Variants in TMPO observed in about 807,000 individuals in gnomAD.
The protein encoded by TMPO is thymopoietin.
TMPO carries 22 observed loss-of-function variants against 45.4 expected under a neutral mutation model. The ratio of observed to expected loss-of-function variants is 0.48; its 90% confidence interval spans 0.35 to 0.69. The LOEUF is 0.69. Ranked by LOEUF, TMPO falls within the 30% of genes least tolerant of loss-of-function variation. The pLI is 0.01. For missense variants in TMPO, 512 were observed against 548.8 expected, an observed-to-expected ratio of 0.93 and a Z score of 0.67; for synonymous variants, 241 against 204.1, an observed-to-expected ratio of 1.18 and a Z score of -1.54.
intron 1 of TMPO, among the ~76,000 whole-genome samples, chr12:98,522,549 G>A (rs754698542): frequency 6.6e-6 from 1 of 152,140 alleles, no homozygotes; most frequent in Non-Finnish European, 1.5e-5. Context: ...TGAAATAGAG[G>A]AATAACCTAA....
chr12:98,528,251 CTTTTT>C (rs72519624), intron 2 of TMPO, among the ~76,000 whole-genome samples: 2 of 131,396 alleles, frequency 1.5e-5, no homozygotes, highest in African/African-American at 2.8e-5. Flanking sequence ...TTATATCGTA[CTTTTT>C]TTTTTTTTTT....
At chr12:98,519,142 A>G (rs971063392) in intron 1 of TMPO, among the ~76,000 whole-genome samples, 1 of 152,134 alleles carries the variant, frequency 6.6e-6, no homozygotes, top group African/African-American at 2.4e-5. Flanking sequence ...TCGGCTTCTC[A>G]AAGTGCTGGG....
intron 3 of TMPO, chr12:98,532,056 A>G: frequency 2.0e-6 from 1 of 492,510 alleles, no homozygotes; most frequent in Non-Finnish European, 3.6e-6. Flanking sequence ...CTGAAATTGC[A>G]AGTTAACTTT....
chr12:98,549,933 C>T lies in TMPO; in HGVS notation c.*2075C>T, dbSNP rs954726893. 6.6e-6 allele frequency: 1 copy of T among 151,950 alleles called. No individual in the cohort carries two copies. The highest frequency in any genetic ancestry group is 1.5e-5 in the Non-Finnish European group (1 of 67,980). 9.4% of individuals were successfully genotyped at this position (151,950 alleles called of 1,614,324 possible). On this transcript the variant is annotated 3_prime_UTR_variant, in exon 9 of 9. Coordinates refer to ENST00000556029, the MANE Select transcript of TMPO (RefSeq NM_001032283.3). The stretch of plus-strand genomic sequence containing the variant: ...GCCTCTCTGAGTAAAATGTTTCTTT[C>T]AGATGAGCCATAGAGGGGGCACCTT...
intron 3 of TMPO, chr12:98,532,839 C>CA: frequency 6.2e-7 from 1 of 1,614,142 alleles, no homozygotes; most frequent in Non-Finnish European, 8.5e-7. Context: ...AGAAAGAACA[C>CA]AAGAAAGTGA....
In TMPO at chr12:98,547,573, T is replaced by G; in HGVS notation, c.1080T>G (p.Ser360Arg). The part of the protein sequence containing the change: ...PYEASTPTGI[S>R]ASCRRPIKGA... Reference sequence around the variant, plus strand: ...CTTTTCCTCCTTTCACTCCCAACAGTGCTAGTTGCCGCAGACCAATCAAAG... The same window carrying G: ...CTTTTCCTCCTTTCACTCCCAACAGGGCTAGTTGCCGCAGACCAATCAAAG... Residue 360 changes from serine to arginine, a missense_variant and splice_region_variant, in exon 9 of 9, where the codon AGT becomes AGG. Coordinates refer to ENST00000556029, the MANE Select transcript of TMPO (RefSeq NM_001032283.3). The G allele has an allele frequency of 6.2e-7, 1 of 1,614,138 alleles. No homozygotes were observed.
At position 98,547,735 on chromosome 12, in the gene TMPO, G is replaced by T. The variant is rs764709289; in HGVS notation, c.1242G>T (p.Trp414Cys). The change falls in exon 9 of 9, where the codon TGG (tryptophan) becomes TGT (cysteine). Residue 414 changes from tryptophan (W) to cysteine (C), a missense_variant. Transcript: ENST00000556029. ...AAAAGGGACGCTCCATTCCCGTATG[G>T]ATAAAAATTTTGCTGTTTGTTGTTG... ...KTKKGRSIPV[W>C]IKILLFVVVA... 1 of 1,614,166 alleles carries T rather than the reference G, an allele frequency of 6.2e-7. No individual in the cohort carries two copies. Among genetic ancestry groups the T allele is most frequent in the Non-Finnish European group, 8.5e-7 (1 of 1,180,030 alleles).
intron 1 of TMPO, among the ~76,000 whole-genome samples, chr12:98,517,100 C>T (rs1313606515): frequency 6.6e-6 from 1 of 152,198 alleles, no homozygotes; most frequent in Non-Finnish European, 1.5e-5. Context: ...CGTGAGCCAC[C>T]GGGCCCGGCC....
At chr12:98,543,276 T>A (rs1183506136) in intron 4 of TMPO, among the ~76,000 whole-genome samples, 1 of 152,222 alleles carries the variant, frequency 6.6e-6, no homozygotes, top group Non-Finnish European at 1.5e-5. Flanking sequence ...ATAATACTGA[T>A]CATTGATGGA....
chr12:98,527,237 A>G (rs1257426779), intron 1 of TMPO, among the ~76,000 whole-genome samples: 2 of 150,772 alleles, frequency 1.3e-5, no homozygotes, highest in East Asian at 2.0e-4. Context: ...GTGGTTTACA[A>G]CTGTAATCCT....
chr12:98,528,848 A>C (rs1485791297), intron 2 of TMPO, among the ~76,000 whole-genome samples: 1 of 152,058 alleles, frequency 6.6e-6, no homozygotes, highest in African/African-American at 2.4e-5. Flanking sequence ...TGTCCCAGCT[A>C]CTTAGGAGGC....
At position 98,547,553 on chromosome 12, in the gene TMPO, C is replaced by T. The variant is rs202062258; in HGVS notation, c.1080-20C>T. On this transcript the variant is annotated intron_variant, in intron 8 of 8. Coordinates refer to ENST00000556029, the MANE Select transcript of TMPO (RefSeq NM_001032283.3). ...CTTTATCTAAAATTATTTTTCTTTT[C>T]CTCCTTTCACTCCCAACAGTGCTAG... 2.2e-4 allele frequency: 361 copies of T among 1,613,676 alleles called. No individual in the cohort carries two copies. The highest frequency in any genetic ancestry group is 2.7e-4 in the Non-Finnish European group (324 of 1,179,886).
chr12:98,516,661 G>T lies in TMPO; in HGVS notation c.279+515G>T, dbSNP rs73382574. On this transcript the variant is annotated intron_variant, in intron 1 of 8. Transcript: ENST00000556029. ...AATTCCCGCCTTTTTATACTTTTGC[G>T]TGTGGAGGGCTTTTTGAACCGTTTA... 3.0e-3 allele frequency: 1,682 copies of T among 569,086 alleles called. 40 individuals are homozygous for T. In the African/African-American group the frequency reaches 0.032, roughly 11 times the overall value. 35.3% of individuals were successfully genotyped at this position (569,086 alleles called of 1,614,324 possible).
chr12:98,547,504 T>G, intron 8 of TMPO, 69 bp from the exon 9 acceptor site: 6 of 1,582,624 alleles, frequency 3.8e-6, no homozygotes, highest in Non-Finnish European at 5.2e-6. Context: ...CAATGACATT[T>G]TATGTTATTT....
At chr12:98,517,599 A>G (rs962238445) in intron 1 of TMPO, among the ~76,000 whole-genome samples, 1 of 152,246 alleles carries the variant, frequency 6.6e-6, no homozygotes, top group Non-Finnish European at 1.5e-5. Context: ...TAATAGACAC[A>G]TGTAAATTTA....
At position 98,548,234 on chromosome 12, in the gene TMPO, T is replaced by G. The variant is rs1389355103; in HGVS notation, c.*376T>G. On this transcript the variant is annotated 3_prime_UTR_variant, in exon 9 of 9. Transcript: ENST00000556029. ...AAGCTACACATTTAAATACTTAGAA[T>G]TCTTACAGAAAAGATTTTAAGAATT... is the stretch of plus-strand genomic sequence containing the variant. The G allele has an allele frequency of 6.1e-6, 1 of 162,628 alleles. No homozygotes were observed. Among genetic ancestry groups the G allele is most frequent in the East Asian group, 1.8e-4 (1 of 5,542 alleles). 10.1% of individuals were successfully genotyped at this position (162,628 alleles called of 1,614,324 possible). A position where few individuals can be genotyped will look rare whatever the true frequency, so the allele number is the denominator to read the frequency against.
intron 2 of TMPO, among the ~76,000 whole-genome samples, chr12:98,529,028 T>C (rs1876991881): frequency 6.6e-6 from 1 of 151,710 alleles, no homozygotes; most frequent in Admixed American, 6.6e-5. Flanking sequence ...CTTAATGAAG[T>C]TATTAAATTC....
At chr12:98,524,378 C>G (rs1055558473) in intron 1 of TMPO, among the ~76,000 whole-genome samples, 1 of 152,080 alleles carries the variant, frequency 6.6e-6, no homozygotes, top group Non-Finnish European at 1.5e-5. Flanking sequence ...TTGAGACTAG[C>G]CTGGCCAAAA....
chr12:98,535,831 G>A (rs1055142186), intron 3 of TMPO, among the ~76,000 whole-genome samples: 1 of 152,064 alleles, frequency 6.6e-6, no homozygotes, highest in African/African-American at 2.4e-5. Flanking sequence ...TTGACTGTTG[G>A]AATCTAAATT....
Sources: gnomAD v4.1 joint callset for allele counts (sites outside exome capture counted in the v4.1 genomes callset) on GRCh38, gnomAD v4.1.1 for gene constraint, MANE v1.5 for transcripts, NCBI Gene and HGNC (gene_info 2026-07-23, HGNC 2026-07-21) for gene names.